CNTNAP5: variants seen among roughly 807,000 people sequenced by gnomAD.
CNTNAP5 encodes the protein contactin-associated protein-like 5.
Under a neutral mutation model 150.2 loss-of-function variants are expected in CNTNAP5, and 72 were observed. The ratio of observed to expected loss-of-function variants is 0.48; its 90% CI spans 0.40 to 0.58. The LOEUF (loss-of-function observed/expected upper bound fraction) is 0.58, where lower values mean the gene tolerates loss of function less well. CNTNAP5 is among the 20% of genes least tolerant of loss of function. The pLI is 0.00. For missense variants in CNTNAP5, 1,636 were observed against 1,626.2 expected (o/e 1.01, Z -0.10); for synonymous variants, 672 against 619.8 (o/e 1.08, Z -1.25).
At chr2:124,722,677 C>T (rs1680072097) in intron 13 of CNTNAP5, among the ~76,000 whole-genome samples, 2 of 152,124 alleles carry the variant, frequency 1.3e-5, no homozygotes, top group Non-Finnish European at 2.9e-5. Flanking sequence ...GGCAGCTGGG[C>T]TGCTGAGATT....
chr2:124,674,903 G>A (rs1678907088), intron 13 of CNTNAP5, among the ~76,000 whole-genome samples: 1 of 151,764 alleles, frequency 6.6e-6, no homozygotes, highest in South Asian at 2.1e-4. Flanking sequence ...TTAAGCATAT[G>A]GTCTATCTTG....
At chr2:124,871,929 CCTATT>C (rs1446626842) in intron 21 of CNTNAP5, among the ~76,000 whole-genome samples, 1 of 151,966 alleles carries the variant, frequency 6.6e-6, no homozygotes, top group Non-Finnish European at 1.5e-5. Context: ...CTTGCTTCCT[CCTATT>C]CTATCTACTC....
At chr2:124,162,789 A>G (rs1684716534) in intron 1 of CNTNAP5, among the ~76,000 whole-genome samples, 1 of 152,176 alleles carries the variant, frequency 6.6e-6, no homozygotes, top group Admixed American at 6.6e-5. Context: ...ATCAATAACT[A>G]TAATAATCAT....
chr2:124,456,898 A>G (rs1299820076), intron 6 of CNTNAP5, among the ~76,000 whole-genome samples: 1 of 152,220 alleles, frequency 6.6e-6, no homozygotes, highest in Non-Finnish European at 1.5e-5. Flanking sequence ...ATCTCACACC[A>G]CATAGAAAAG....
chr2:124,686,977 C>A (rs1176756226), intron 13 of CNTNAP5, among the ~76,000 whole-genome samples: 2 of 152,078 alleles, frequency 1.3e-5, no homozygotes, highest in African/African-American at 2.4e-5. Flanking sequence ...ATATGGCAGC[C>A]ACTAGCCCTG....
chr2:124,281,636 A>C (rs1037375534), intron 3 of CNTNAP5, among the ~76,000 whole-genome samples: 1 of 152,188 alleles, frequency 6.6e-6, no homozygotes, highest in Non-Finnish European at 1.5e-5. Flanking sequence ...GACAAGAAGA[A>C]GCCAACAACT....
chr2:124,151,243 A>G (rs1684399438), intron 1 of CNTNAP5, among the ~76,000 whole-genome samples: 1 of 152,166 alleles, frequency 6.6e-6, no homozygotes, highest in African/African-American at 2.4e-5. Context: ...TCAGCAATTT[A>G]GGCTGAATCC....
chr2:124,850,359 G>T (rs62173264), intron 19 of CNTNAP5, among the ~76,000 whole-genome samples: 8,965 of 152,160 alleles, frequency 0.059, 441 homozygotes, highest in Non-Finnish European at 0.085. Flanking sequence ...ATGAGATGTG[G>T]ATAGAGAGAC....
intron 21 of CNTNAP5, among the ~76,000 whole-genome samples, chr2:124,896,719 A>G (rs1016741711): frequency 6.6e-6 from 1 of 151,370 alleles, no homozygotes; most frequent in Admixed American, 6.6e-5. Context: ...CTGTATTTTT[A>G]GTAGAGACGG....
chr2:124,582,664 G>C (rs1441511406), intron 11 of CNTNAP5, among the ~76,000 whole-genome samples: 1 of 151,900 alleles, frequency 6.6e-6, no homozygotes, highest in Non-Finnish European at 1.5e-5. Context: ...AGTTTCAAAG[G>C]GCTCAAAATT....
chr2:124,802,325 G>C (rs1302316541), intron 19 of CNTNAP5, among the ~76,000 whole-genome samples: 2 of 152,180 alleles, frequency 1.3e-5, no homozygotes, highest in Admixed American at 6.5e-5. Context: ...ATTTTCCAGG[G>C]TTGGAATTCT....
At chr2:124,423,743 C>A (rs1182967156) in intron 4 of CNTNAP5, among the ~76,000 whole-genome samples, 3 of 133,286 alleles carry the variant, frequency 2.3e-5, no homozygotes, top group Non-Finnish European at 3.1e-5. Flanking sequence ...CGGCTCACTG[C>A]AAGCTCCGCC....
rs1678825673 is a variant in CNTNAP5, at chr2:124,919,165, G to T, written c.*4877G>T. On this transcript the variant is annotated 3_prime_UTR_variant, in exon 24 of 24. Coordinates refer to ENST00000682447, the MANE Select transcript of CNTNAP5 (RefSeq NM_001367498.1). Reference sequence around the variant, plus strand: ...CACATGCACACTTTGTACAAATAGGGCTGTTATTCAACTTTTCTCTTGAAC... The same window carrying T: ...CACATGCACACTTTGTACAAATAGGTCTGTTATTCAACTTTTCTCTTGAAC... Among the ~76,000 whole-genome samples the T allele has an allele frequency of 6.6e-6, 1 of 151,928 alleles. No individual in the cohort carries two copies. The highest frequency in any genetic ancestry group is 1.5e-5 in the Non-Finnish European group (1 of 67,968).
chr2:124,095,512 A>T (rs1682915251), intron 1 of CNTNAP5, among the ~76,000 whole-genome samples: 1 of 152,162 alleles, frequency 6.6e-6, no homozygotes, highest in Non-Finnish European at 1.5e-5. Flanking sequence ...AAAGTTAAAA[A>T]AAAAGCTGCA....
intron 7 of CNTNAP5, among the ~76,000 whole-genome samples, chr2:124,502,851 C>T (rs1694308262): frequency 6.6e-6 from 1 of 152,122 alleles, no homozygotes; most frequent in African/African-American, 2.4e-5. Context: ...GCAAAAGCCT[C>T]CAAGTTAGAC....
intron 3 of CNTNAP5, among the ~76,000 whole-genome samples, chr2:124,283,685 C>T (rs1055556328): frequency 1.1e-4 from 17 of 152,172 alleles, no homozygotes; most frequent in African/African-American, 3.1e-4. Flanking sequence ...ATACTACATA[C>T]GAGGTGACTT....
chr2:124,446,103 T>C (rs2104805763), intron 5 of CNTNAP5, among the ~76,000 whole-genome samples: 1 of 152,200 alleles, frequency 6.6e-6, no homozygotes, highest in African/African-American at 2.4e-5. Flanking sequence ...GTGGTCAAAG[T>C]AAAAAGGATG....
chr2:124,797,679 A>T (rs1056419463), intron 18 of CNTNAP5, among the ~76,000 whole-genome samples: 1 of 152,198 alleles, frequency 6.6e-6, no homozygotes, highest in Non-Finnish European at 1.5e-5. Flanking sequence ...CACAAACTAG[A>T]ACTGTCAGGT....
At chr2:124,580,764 C>A (rs1189411096) in intron 11 of CNTNAP5, among the ~76,000 whole-genome samples, 1 of 152,086 alleles carries the variant, frequency 6.6e-6, no homozygotes, top group African/African-American at 2.4e-5. Context: ...TATCTGTTCG[C>A]CTTAACAAGG....
Sources: gnomAD v4.1 joint callset for allele counts (sites outside exome capture counted in the v4.1 genomes callset) on GRCh38, gnomAD v4.1.1 for gene constraint, MANE v1.5 for transcripts, NCBI Gene and HGNC (gene_info 2026-07-23, HGNC 2026-07-21) for gene names.